IQCJ: variants seen among roughly 807,000 people sequenced by gnomAD.
IQCJ encodes the protein IQ domain-containing protein J.
In IQCJ, 9 loss-of-function variants were observed where a neutral mutation model predicts 11.0. The ratio of observed to expected loss-of-function variants is 0.82; its 90% confidence interval spans 0.49 to 1.43. The LOEUF is 1.43. Ranked by LOEUF, IQCJ falls within the 40% of genes most tolerant of loss-of-function variation. The pLI, the probability that IQCJ is intolerant of heterozygous loss-of-function variation, is 0.00. For missense variants in IQCJ, 146 were observed against 133.2 expected (o/e 1.10, Z -0.47); for synonymous variants, 55 against 51.3 (o/e 1.07, Z -0.31).
At chr3:159,083,774 T>C (rs1280185289) in intron 1 of IQCJ, among the ~76,000 whole-genome samples, 1 of 152,170 alleles carries the variant, frequency 6.6e-6, no homozygotes, top group Admixed American at 6.6e-5. Flanking sequence ...TATCATTCTG[T>C]GGTATTCTCC....
At chr3:159,160,256 G>A (rs932655397) in intron 1 of IQCJ, among the ~76,000 whole-genome samples, 2 of 152,144 alleles carry the variant, frequency 1.3e-5, no homozygotes, top group Admixed American at 6.6e-5. Context: ...TACTCATTAT[G>A]GCTGTAATTT....
chr3:159,092,485 A>T (rs552604623), intron 1 of IQCJ, among the ~76,000 whole-genome samples: 3 of 151,842 alleles, frequency 2.0e-5, no homozygotes, highest in Admixed American at 6.5e-5. Context: ...GGATCACGAG[A>T]TCAGGAGATG....
intron 3 of IQCJ, among the ~76,000 whole-genome samples, chr3:159,258,361 C>CA (rs1728015124): frequency 6.6e-6 from 1 of 152,198 alleles, no homozygotes; most frequent in South Asian, 2.1e-4. Context: ...TCTGGCTAGT[C>CA]AGCCCGGGGG....
rs567947660 is a variant in IQCJ, at chr3:159,093,125, C to T, written c.9+23684C>T. ...TTCTTAGCAACAATGAAGCAAATGTCTGGATTTGTATTAATCTGTGTCCTT... is the reference window on the plus strand; with the variant it reads ...TTCTTAGCAACAATGAAGCAAATGTTTGGATTTGTATTAATCTGTGTCCTT... On this transcript the variant is annotated intron_variant, in intron 1 of 3. Coordinates refer to ENST00000397832, the MANE Select transcript of IQCJ (RefSeq NM_001042706.3). Among the ~76,000 whole-genome samples, 204 of 151,878 alleles carry T rather than the reference C, an allele frequency of 1.3e-3. 6 individuals carry two copies. Among genetic ancestry groups the T allele is most frequent in the African/African-American group, 4.9e-3 (202 of 41,176 alleles).
intron 1 of IQCJ, among the ~76,000 whole-genome samples, chr3:159,143,074 T>C (rs1720719370): frequency 6.6e-6 from 1 of 152,216 alleles, no homozygotes; most frequent in Admixed American, 6.5e-5. Context: ...AACCATCAAG[T>C]GTGTACAGTC....
chr3:159,157,979 T>C (rs1721628049), intron 1 of IQCJ, among the ~76,000 whole-genome samples: 1 of 152,202 alleles, frequency 6.6e-6, no homozygotes, highest in South Asian at 2.1e-4. Context: ...TTTCCAATCC[T>C]TTTCTATCAC....
rs372743008 is a variant in IQCJ at position 159,110,370 on chromosome 3, C to T, written c.9+40929C>T. 1.1e-4 allele frequency among the ~76,000 whole-genome samples: 17 copies of T among 152,270 alleles called. No individual in the cohort carries two copies. In the East Asian group the frequency reaches 2.1e-3, roughly 19 times the overall value. On this transcript the variant is annotated intron_variant, in intron 1 of 3. Coordinates refer to ENST00000397832, the MANE Select transcript of IQCJ (RefSeq NM_001042706.3). Reference sequence around the variant, plus strand: ...TGATTATCATCAGCATCATCAACACCTGATACTTTTTTATACTTTGTACCT... The same window carrying T: ...TGATTATCATCAGCATCATCAACACTTGATACTTTTTTATACTTTGTACCT...
chr3:159,182,377 T>C (rs913946842), intron 1 of IQCJ, among the ~76,000 whole-genome samples: 2 of 151,832 alleles, frequency 1.3e-5, no homozygotes, highest in African/African-American at 4.9e-5. Context: ...ACATGTGGAG[T>C]TCTGCACCTT....
intron 1 of IQCJ, among the ~76,000 whole-genome samples, chr3:159,086,135 G>C (rs1716748473): frequency 6.6e-6 from 1 of 152,086 alleles, no homozygotes; most frequent in South Asian, 2.1e-4. Context: ...TTCTACATAT[G>C]GCTAGCCAGT....
intron 1 of IQCJ, among the ~76,000 whole-genome samples, chr3:159,229,816 G>A (rs529266055): frequency 3.7e-3 from 1 of 272 alleles, no homozygotes; most frequent in Non-Finnish European, 5.6e-3. Flanking sequence ...CCTCCTCCCC[G>A]CTCCTCCTCC....
At chr3:159,257,489 C>T (rs889731154) in intron 3 of IQCJ, among the ~76,000 whole-genome samples, 2 of 152,096 alleles carry the variant, frequency 1.3e-5, no homozygotes, top group African/African-American at 4.8e-5. Flanking sequence ...GCCAAGAGAG[C>T]ATAGGCCCTG....
At chr3:159,178,330 G>T (rs1722898604) in intron 1 of IQCJ, among the ~76,000 whole-genome samples, 2 of 152,098 alleles carry the variant, frequency 1.3e-5, no homozygotes, top group African/African-American at 4.8e-5. Flanking sequence ...TTCCGTATAG[G>T]CTTCGACTTG....
chr3:159,262,504 G>C (rs754247661), intron 3 of IQCJ, 44 bp from the exon 4 acceptor site: 2 of 1,598,426 alleles, frequency 1.3e-6, no homozygotes, highest in Non-Finnish European at 1.7e-6. Context: ...TGATCCAACA[G>C]TAATCATGTG....
At chr3:159,242,328 GA>G (rs1160105801) in intron 1 of IQCJ, among the ~76,000 whole-genome samples, 1 of 152,224 alleles carries the variant, frequency 6.6e-6, no homozygotes, top group Non-Finnish European at 1.5e-5. Context: ...GATGAATCAA[GA>G]AATTAGTAGG....
At chr3:159,179,527 G>T (rs146109575) in intron 1 of IQCJ, among the ~76,000 whole-genome samples, 8 of 151,230 alleles carry the variant, frequency 5.3e-5, no homozygotes, top group Non-Finnish European at 8.8e-5. Flanking sequence ...AAATAAAAAG[G>T]CTCTCAAAAG....
rs145397684 is a variant in IQCJ at position 159,101,680 on chromosome 3, C to T, written c.9+32239C>T. Among the ~76,000 whole-genome samples the T allele has an allele frequency of 1.0e-3, 156 of 152,310 alleles. 1 individual carries two copies. In the South Asian group the frequency reaches 0.011, roughly 11 times the overall value. On this transcript the variant is annotated intron_variant, in intron 1 of 3. Transcript: ENST00000397832. ...CAATTCTCCTTTTTGGACATGGACT[C>T]AAGCCCATCTACTGTGTTTCTGACT...
At position 159,262,937 on chromosome 3, in the gene IQCJ, T is replaced by C. The variant is rs1728302058; in HGVS notation, c.*206T>C. ...GCATTTATGTGTTCTCATTTCTCTATTATGGAGGTATCTTTTTTGCTTTTC... is the reference window on the plus strand; with the variant it reads ...GCATTTATGTGTTCTCATTTCTCTACTATGGAGGTATCTTTTTTGCTTTTC... On this transcript the variant is annotated 3_prime_UTR_variant, in exon 4 of 4. Coordinates refer to ENST00000397832, the MANE Select transcript of IQCJ (RefSeq NM_001042706.3). 3.0e-6 allele frequency: 4 copies of C among 1,315,324 alleles called. No homozygotes were observed. Among genetic ancestry groups the C allele is most frequent in the Non-Finnish European group, 2.9e-6 (3 of 1,032,618 alleles). 81.5% of individuals were successfully genotyped at this position (1,315,324 alleles called of 1,614,324 possible).
At position 159,125,004 on chromosome 3, in the gene IQCJ, G is replaced by A. The variant is rs1048827301; in HGVS notation, c.9+55563G>A. On this transcript the variant is annotated intron_variant, in intron 1 of 3. Coordinates refer to ENST00000397832, the MANE Select transcript of IQCJ (RefSeq NM_001042706.3). ...AGAAAGTTAAGGCACAAAAAAGCAA[G>A]GTACCCACTCCTTTAGTGTGGGATG... is the stretch of plus-strand genomic sequence containing the variant. Among the ~76,000 whole-genome samples the A allele has an allele frequency of 2.6e-5, 4 of 152,226 alleles. No homozygotes were observed. In the East Asian group the frequency reaches 5.8e-4, roughly 22 times the overall value.
chr3:159,134,258 A>C (rs530687190), intron 1 of IQCJ, among the ~76,000 whole-genome samples: 9 of 152,114 alleles, frequency 5.9e-5, no homozygotes, highest in Non-Finnish European at 1.3e-4. Flanking sequence ...GATGGAGTCT[A>C]ATATACTAAA....
Sources: gnomAD v4.1 joint callset for allele counts (sites outside exome capture counted in the v4.1 genomes callset) on GRCh38, gnomAD v4.1.1 for gene constraint, MANE v1.5 for transcripts, NCBI Gene and HGNC (gene_info 2026-07-23, HGNC 2026-07-21) for gene names.